Variants in LRP1B observed in about 807,000 individuals in gnomAD.
LRP1B encodes LDL receptor related protein 1B.
A neutral mutation model predicts 556.6 loss-of-function variants in LRP1B; 217 were observed. That is an observed-to-expected ratio of 0.39 (90% CI 0.35 to 0.44). LRP1B has a LOEUF of 0.44. LRP1B is among the 20% of genes least tolerant of loss of function. The pLI, the probability that LRP1B is intolerant of heterozygous loss-of-function variation, is 1.00. For synonymous variants in LRP1B, 2,047 were observed against 1,865.8 expected (o/e 1.10, Z -2.50); for missense variants, 5,053 against 5,620.8 (o/e 0.90, Z 3.23).
chr2:141,048,384 A>G (rs1558824471), intron 11 of LRP1B, among the ~76,000 whole-genome samples: 1 of 152,070 alleles, frequency 6.6e-6, no homozygotes, highest in Non-Finnish European at 1.5e-5. Flanking sequence ...TATAATATAC[A>G]TTGGTTTTAT....
chr2:141,372,294 G>A (rs1689255687), intron 3 of LRP1B, among the ~76,000 whole-genome samples: 1 of 152,046 alleles, frequency 6.6e-6, no homozygotes, highest in East Asian at 1.9e-4. Context: ...CTAGCACATT[G>A]TTGAGGACTT....
At chr2:140,513,594 A>G (rs1689755090) in intron 51 of LRP1B, among the ~76,000 whole-genome samples, 1 of 151,894 alleles carries the variant, frequency 6.6e-6, no homozygotes, top group East Asian at 1.9e-4. Flanking sequence ...GTAGATTTTG[A>G]GTGACTTAAA....
chr2:141,615,633 G>A (rs530046851), intron 2 of LRP1B, among the ~76,000 whole-genome samples: 81 of 151,996 alleles, frequency 5.3e-4, no homozygotes, highest in African/African-American at 1.9e-3. Context: ...TAAGTATATT[G>A]TGTTTACAAT....
At chr2:140,501,501 C>G (rs1689185742) in intron 55 of LRP1B, among the ~76,000 whole-genome samples, 186 bp downstream of exon 55, 1 of 151,972 alleles carries the variant, frequency 6.6e-6, no homozygotes, top group Non-Finnish European at 1.5e-5. Flanking sequence ...TTTTTGTCTT[C>G]TTAACTATAT....
intron 2 of LRP1B, among the ~76,000 whole-genome samples, chr2:141,573,650 T>A (rs868366775): frequency 2.1e-3 from 264 of 127,568 alleles, no homozygotes; most frequent in African/African-American, 7.2e-3. Context: ...AAAAAAAAAA[T>A]CAATGAATCC....
chr2:141,313,903 C>A (rs1414639752), intron 3 of LRP1B, among the ~76,000 whole-genome samples: 1 of 151,446 alleles, frequency 6.6e-6, no homozygotes, highest in Admixed American at 6.6e-5. Context: ...CTTTTCTCAC[C>A]ATGCTTTTTT....
At chr2:140,750,826 T>A (rs1688549913) in intron 35 of LRP1B, among the ~76,000 whole-genome samples, 2 of 152,100 alleles carry the variant, frequency 1.3e-5, no homozygotes, top group African/African-American at 4.8e-5. Context: ...CAAAGAACTT[T>A]AATATCTCAG....
At chr2:140,902,570 A>C (rs1166870333) in intron 23 of LRP1B, among the ~76,000 whole-genome samples, 1 of 152,172 alleles carries the variant, frequency 6.6e-6, no homozygotes, top group Non-Finnish European at 1.5e-5. Context: ...CAAGAGCATT[A>C]GAAATAACAA....
intron 41 of LRP1B, among the ~76,000 whole-genome samples, chr2:140,678,449 A>G (rs1178787822): frequency 6.6e-6 from 1 of 152,182 alleles, no homozygotes; most frequent in African/African-American, 2.4e-5. Context: ...GACTTTCAAA[A>G]TCAGTATAGA....
intron 7 of LRP1B, among the ~76,000 whole-genome samples, chr2:141,082,260 A>C (rs1452704314): frequency 6.6e-6 from 1 of 152,222 alleles, no homozygotes; most frequent in Non-Finnish European, 1.5e-5. Flanking sequence ...CTGTAGGAAA[A>C]TCTCAAGAGG....
intron 59 of LRP1B, among the ~76,000 whole-genome samples, chr2:140,481,366 A>G (rs917151544): frequency 6.6e-6 from 1 of 152,066 alleles, no homozygotes; most frequent in Non-Finnish European, 1.5e-5. Flanking sequence ...TGAAAACTGA[A>G]TTAAATCCCC....
intron 1 of LRP1B, among the ~76,000 whole-genome samples, chr2:141,814,581 T>C (rs1022527532): frequency 6.6e-6 from 1 of 152,214 alleles, no homozygotes; most frequent in East Asian, 1.9e-4. Flanking sequence ...AAGAGGAAAC[T>C]GCAGTCAAAT....
intron 3 of LRP1B, among the ~76,000 whole-genome samples, chr2:141,372,119 T>C (rs1689248370): frequency 6.6e-6 from 1 of 152,156 alleles, no homozygotes; most frequent in Non-Finnish European, 1.5e-5. Flanking sequence ...ATTCAGATGA[T>C]CATATAGTTT....
At chr2:140,459,593 A>G (rs907392012) in intron 60 of LRP1B, among the ~76,000 whole-genome samples, 3 of 152,206 alleles carry the variant, frequency 2.0e-5, no homozygotes, top group African/African-American at 7.2e-5. Context: ...ACTACAGGTG[A>G]TATTTATTAA....
rs1679989568 is a variant in LRP1B, at chr2:141,160,774, C to T, written c.1013+27647G>A. On this transcript the variant is annotated intron_variant, in intron 7 of 90. Coordinates refer to ENST00000389484, the MANE Select transcript of LRP1B (RefSeq NM_018557.3). Reference sequence around the variant, plus strand: ...GAGTCTTGGGAAAGTATGACTCTAACGGGAAATATGAGAATTTTTTTGTGG... The same window carrying T: ...GAGTCTTGGGAAAGTATGACTCTAATGGGAAATATGAGAATTTTTTTGTGG... Among the ~76,000 whole-genome samples the T allele has an allele frequency of 5.3e-5, 8 of 151,700 alleles. No individual in the cohort carries two copies. In the South Asian group the frequency reaches 1.5e-3, roughly 28 times the overall value.
intron 1 of LRP1B, among the ~76,000 whole-genome samples, chr2:141,999,539 T>C (rs1378176461): frequency 2.6e-5 from 4 of 152,092 alleles, no homozygotes; most frequent in East Asian, 3.8e-4. Context: ...GTTAAAGAAA[T>C]AAAGATTTAA....
intron 60 of LRP1B, among the ~76,000 whole-genome samples, chr2:140,457,997 T>G (rs1017788626): frequency 1.1e-4 from 16 of 152,134 alleles, no homozygotes; most frequent in Non-Finnish European, 1.5e-5. Context: ...TGTATATACA[T>G]ATACATATAC....
Position 141,093,908 on chromosome 2 carries a change from C to T in LRP1B, c.1014-31635G>A, listed in dbSNP as rs554300224. ...TTTTTTGTATTTTTAGTAGAGACAG[C>T]GTTTCACCACATTAGCCAGGCTGGT... is the stretch of plus-strand genomic sequence containing the variant. On this transcript the variant is annotated intron_variant, in intron 7 of 90. Coordinates refer to ENST00000389484, the MANE Select transcript of LRP1B (RefSeq NM_018557.3). 2.6e-5 allele frequency among the ~76,000 whole-genome samples: 4 copies of T among 151,958 alleles called. No homozygotes were observed. In the East Asian group the frequency reaches 5.8e-4, roughly 22 times the overall value.
chr2:140,298,740 G>T (rs540205044), intron 83 of LRP1B, among the ~76,000 whole-genome samples: 94 of 152,176 alleles, frequency 6.2e-4, no homozygotes, highest in African/African-American at 2.2e-3. Context: ...ATCCTGTATG[G>T]TGTTTTGAAC....
Sources: gnomAD v4.1 joint callset for allele counts (sites outside exome capture counted in the v4.1 genomes callset) on GRCh38, gnomAD v4.1.1 for gene constraint, MANE v1.5 for transcripts, NCBI Gene and HGNC (gene_info 2026-07-23, HGNC 2026-07-21) for gene names.